The following WDR90 variants were observed in gnomAD, a reference collection of about 807,000 sequenced individuals.
The protein encoded by WDR90 is WD repeat domain 90.
A neutral mutation model predicts 195.2 loss-of-function variants in WDR90; 238 were observed. The observed-to-expected ratio is 1.22, with a 90% CI of 1.10 to 1.36. The LOEUF (loss-of-function observed/expected upper bound fraction) is 1.36, where lower values mean the gene tolerates loss of function less well. Ranked by LOEUF, WDR90 falls within the 40% of genes most tolerant of loss-of-function variation. WDR90 has a pLI of 0.00. For synonymous variants in WDR90, 1,265 were observed against 1,052.4 expected (o/e 1.20, Z -3.91); for missense variants, 2,734 against 2,439.5 (o/e 1.12, Z -2.54).
intron 13 of WDR90, chr16:654,294 C>G (rs1472857821): frequency 6.4e-6 from 1 of 156,652 alleles, no homozygotes; most frequent in Non-Finnish European, 1.4e-5. Flanking sequence ...TCCCTGACCT[C>G]CCCGCCAGCT....
In WDR90 at chr16:651,703, C is replaced by A. The variant is rs201191904; in HGVS notation, c.796C>A (p.Arg266=). Residue 266 remains arginine (R), a synonymous_variant, in exon 8 of 41, where the codon CGG becomes AGG. Coordinates refer to ENST00000293879, the MANE Select transcript of WDR90 (RefSeq NM_145294.5). ...PCPVASSKPV[R]FSVSPVVQTP... The stretch of plus-strand genomic sequence containing the variant: ...CCCGGTGGCCTCCAGCAAACCTGTG[C>A]GGTTCAGTGTGTCTCCAGTGGTCCA... 5 of 1,612,918 alleles carry A rather than the reference C, an allele frequency of 3.1e-6. No homozygotes were observed. Among genetic ancestry groups the A allele is most frequent in the Non-Finnish European group, 4.2e-6 (5 of 1,180,014 alleles).
Position 658,303 on chromosome 16 carries a change from G to A in WDR90, c.2725G>A (p.Val909Ile), listed in dbSNP as rs776727854. 2 of 1,612,634 alleles carry A rather than the reference G, an allele frequency of 1.2e-6. No individual in the cohort carries two copies. The highest frequency in any genetic ancestry group is 2.2e-5 in the South Asian group (2 of 91,084). The change falls in exon 22 of 41, where the codon GTC becomes ATC. Residue 909 changes from valine (V) to isoleucine (I), a missense_variant. By Grantham distance (29) the Val-to-Ile change is conservative (BLOSUM62 3). Transcript: ENST00000293879. ...HLLVSTSSNRVVVLDAVSGRI... is the reference protein window; with the variant it reads ...HLLVSTSSNRIVVLDAVSGRI... ...GCTGGTGTCCACCTCGTCCAACAGA[G>A]TCGTGGTGCTGGATGCTGTGTCGGG...
chr16:655,140 G>A lies in WDR90; in HGVS notation c.1549G>A (p.Glu517Lys), dbSNP rs201692818. ...VQAFRVTFFD[E>K]TRMASCGQGS... ...GGCCTTCCGGGTCACCTTTTTTGAT[G>A]AAACCAGGTGATGCAGCCGCCCATC... is the stretch of plus-strand genomic sequence containing the variant. The change falls in exon 14 of 41, where the codon GAA becomes AAA. Residue 517 changes from glutamate (E) to lysine (K), a missense_variant. Transcript: ENST00000293879. 2.2e-4 allele frequency: 353 copies of A among 1,612,550 alleles called. No homozygotes were observed. The highest frequency in any genetic ancestry group is 2.7e-4 in the Non-Finnish European group (323 of 1,179,770).
chr16:650,866 A>G, intron 5 of WDR90, 129 bp from the exon 6 acceptor site: 1 of 1,468,762 alleles, frequency 6.8e-7, no homozygotes, highest in Non-Finnish European at 9.3e-7. Context: ...TGGGGTCAGA[A>G]CCCATCCCAG....
chr16:657,488 C>G, intron 20 of WDR90: 2 of 703,976 alleles, frequency 2.8e-6, no homozygotes, highest in Non-Finnish European at 4.5e-6. Context: ...GGAGTCAGAC[C>G]CAGGCATGGG....
intron 34 of WDR90, 79 bp downstream of exon 34, chr16:662,923 G>A: frequency 6.6e-7 from 1 of 1,524,736 alleles, no homozygotes; most frequent in Admixed American, 2.0e-5. Context: ...ATCTCCACCA[G>A]CCCAGATGAT....
chr16:661,011 C>CCCCT, intron 28 of WDR90, 40 bp from the exon 29 acceptor site: 1 of 157,250 alleles, frequency 6.4e-6, no homozygotes, highest in African/African-American at 2.1e-4. Flanking sequence ...CCCCCCCCCC[C>CCCCT]CCCCGGCCCG....
In WDR90 at chr16:658,572, G is replaced by C; in HGVS notation, c.2814G>C (p.Glu938Asp). Residue 938 changes from glutamate (E) to aspartate (D), a missense_variant, in exon 23 of 41, where the codon GAG becomes GAC. Coordinates refer to ENST00000293879, the MANE Select transcript of WDR90 (RefSeq NM_145294.5). ...CCTGCCCCTCCTTGACGCTCAGTGA[G>C]GACGCCCGCTTCCTGCTGATTGCCG... ...PEPCPSLTLSEDARFLLIAAG... is the reference protein window; with the variant it reads ...PEPCPSLTLSDDARFLLIAAG... 3.1e-6 allele frequency: 5 copies of C among 1,612,742 alleles called. No individual in the cohort carries two copies. Among genetic ancestry groups the C allele is most frequent in the Non-Finnish European group, 4.2e-6 (5 of 1,179,908 alleles).
chr16:666,544 G>A lies in WDR90; in HGVS notation c.4830G>A (p.Arg1610=), dbSNP rs941267885. The A allele has an allele frequency of 6.2e-7, 1 of 1,612,786 alleles. No homozygotes were observed. Among genetic ancestry groups the A allele is most frequent in the Non-Finnish European group, 8.5e-7 (1 of 1,179,970 alleles). ...GCGTCTGGGCCTCCGACTGGCTGCG[G>A]AACCACTGTGAGCTTGTGGACTGGT... The part of the protein sequence containing the change: ...RVSVWASDWL[R]NHCELVDWLS... Residue 1610 remains arginine (R), a synonymous_variant, in exon 38 of 41, where the codon CGG becomes CGA. Transcript: ENST00000293879.
chr16:660,495 C>G (rs969302499), intron 27 of WDR90, 117 bp from the exon 28 acceptor site: 38 of 1,063,656 alleles, frequency 3.6e-5, no homozygotes, highest in Non-Finnish European at 5.2e-5. Context: ...CCCGTCTGCC[C>G]CTGGGTGTCC....
intron 28 of WDR90, 130 bp downstream of exon 28, chr16:660,844 G>A: frequency 8.8e-7 from 1 of 1,132,544 alleles, no homozygotes; most frequent in Admixed American, 2.8e-5. Context: ...TGTTCTCCCG[G>A]TAGCGCCTCC....
In WDR90 at chr16:666,501, G is replaced by C. The variant is rs750767358; in HGVS notation, c.4787G>C (p.Ser1596Thr). The change falls in exon 38 of 41, where the codon AGT (serine) becomes ACT (threonine). Residue 1596 changes from serine to threonine, a missense_variant. Coordinates refer to ENST00000293879, the MANE Select transcript of WDR90 (RefSeq NM_145294.5). Reference sequence around the variant, plus strand: ...GGCACAGACCTATGGCTGGCTGCCAGTGGGGACCAGCGGGTCAGCGTCTGG... The same window carrying C: ...GGCACAGACCTATGGCTGGCTGCCACTGGGGACCAGCGGGTCAGCGTCTGG... ...VEGTDLWLAA[S>T]GDQRVSVWAS... 1.3e-5 allele frequency: 21 copies of C among 1,612,626 alleles called. No homozygotes were observed. The South Asian group carries it at 2.0e-4, about 15-fold the overall frequency.
chr16:666,725 C>T lies in WDR90; in HGVS notation c.4937C>T (p.Ala1646Val), dbSNP rs994038951. 1.1e-5 allele frequency: 18 copies of T among 1,612,676 alleles called. No individual in the cohort carries two copies. The highest frequency in any genetic ancestry group is 8.3e-5 in the Admixed American group (5 of 59,992). ...GCTGCCTTCTGCCCTTGGGATGGGG[C>T]GCTCCTGATGTACGTGGGCCCCGGT... ...SLAAFCPWDG[A>V]LLMYVGPGVY... The change falls in exon 39 of 41, where the codon GCG (alanine) becomes GTG (valine). Residue 1646 changes from alanine to valine, a missense_variant. Physicochemically the swap from Ala to Val is moderately conservative, Grantham distance 64 (BLOSUM62 0). Transcript: ENST00000293879.
chr16:661,191 C>T lies in WDR90; in HGVS notation c.3513+19C>T, dbSNP rs768315258. 6.5e-7 allele frequency: 1 copy of T among 1,527,512 alleles called. No individual in the cohort carries two copies. The highest frequency in any genetic ancestry group is 1.2e-5 in the South Asian group (1 of 82,502). 94.6% of individuals were successfully genotyped at this position (1,527,512 alleles called of 1,614,324 possible). ...TGCCCAGGTGCCCGCCTGCATCGCC[C>T]TCCTCCTCTCCCAGGGCCACCGTGC... On this transcript the variant is annotated intron_variant, in intron 29 of 40. Transcript: ENST00000293879.
intron 35 of WDR90, 50 bp from the exon 36 acceptor site, chr16:665,900 G>A (rs2038015891): frequency 6.4e-7 from 1 of 1,559,802 alleles, no homozygotes; most frequent in East Asian, 2.3e-5. Flanking sequence ...CTGGGTGTGT[G>A]TCCTCAGGGC....
upstream of WDR90, chr16:649,141 C>T: frequency 5.3e-6 from 2 of 374,906 alleles, no homozygotes; most frequent in Non-Finnish European, 9.4e-6. Flanking sequence ...GGATCCGCAA[C>T]CGGCGCGGGC....
chr16:656,804 T>C lies in WDR90; in HGVS notation c.2275T>C (p.Cys759Arg). Residue 759 changes from cysteine to arginine, a missense_variant, in exon 19 of 41, where the codon TGT becomes CGT. Physicochemically the swap from Cys to Arg is radical, Grantham distance 180 (BLOSUM62 -3). Coordinates refer to ENST00000293879, the MANE Select transcript of WDR90 (RefSeq NM_145294.5). Reference protein sequence around the residue: ...TFHPTRPTFFCGFSSGAVRSF... With the variant: ...TFHPTRPTFFRGFSSGAVRSF... ...CCACCCCACAAGGCCAACCTTTTTC[T>C]GTGGCTTTAGCAGTGGGGCCGTGCG... 1 of 1,613,192 alleles carries C rather than the reference T, an allele frequency of 6.2e-7. No individual in the cohort carries two copies. The highest frequency in any genetic ancestry group is 8.5e-7 in the Non-Finnish European group (1 of 1,179,970).
In WDR90 at chr16:655,528, C is replaced by G. The variant is rs566163164; in HGVS notation, c.1719-45C>G. 3.2e-6 allele frequency: 5 copies of G among 1,547,420 alleles called. No individual in the cohort carries two copies. In the South Asian group the frequency reaches 6.4e-5, roughly 20 times the overall value. ...CATGGGGGCCCTGGTGCCTGGGCCT[C>G]CCCTTCCCTGAGGGCCTCACCTTCC... On this transcript the variant is annotated intron_variant, in intron 15 of 40. Coordinates refer to ENST00000293879, the MANE Select transcript of WDR90 (RefSeq NM_145294.5).
At position 665,945 on chromosome 16, in the gene WDR90, C is replaced by T; in HGVS notation, c.4435-5C>T. On this transcript the variant is annotated splice_polypyrimidine_tract_variant and splice_region_variant and intron_variant, in intron 35 of 40. Coordinates refer to ENST00000293879, the MANE Select transcript of WDR90 (RefSeq NM_145294.5). ...TGCTGAAGTTTCCCCACTGTGGGTC[C>T]CCAGAGCTGCCTCTGCCTGGCATGG... 6.3e-7 allele frequency: 1 copy of T among 1,580,474 alleles called. No individual in the cohort carries two copies. The highest frequency in any genetic ancestry group is 8.6e-7 in the Non-Finnish European group (1 of 1,164,080).
Sources: allele counts gnomAD v4.1 joint callset, GRCh38; gene constraint gnomAD v4.1.1; transcripts MANE v1.5; gene names NCBI Gene and HGNC (gene_info 2026-07-23, HGNC 2026-07-21).